The following RIPOR2 variants were observed in gnomAD, a reference collection of about 807,000 sequenced individuals.
The protein encoded by RIPOR2 is rho family-interacting cell polarization regulator 2.
In RIPOR2, 39 loss-of-function variants were observed where a neutral mutation model predicts 114.5. The ratio of observed to expected loss-of-function variants is 0.34; its 90% CI spans 0.26 to 0.44. RIPOR2 has a LOEUF of 0.44. RIPOR2 is among the 20% of genes least tolerant of loss of function. The pLI is 1.00. For missense variants in RIPOR2, 1,007 were observed against 1,255.1 expected, an observed-to-expected ratio of 0.80 and a Z score of 2.99; for synonymous variants, 445 against 484.4, an observed-to-expected ratio of 0.92 and a Z score of 1.07.
At chr6:24,838,752 C>T (rs1761341066) in intron 14 of RIPOR2, among the ~76,000 whole-genome samples, 2 of 152,104 alleles carry the variant, frequency 1.3e-5, no homozygotes. Flanking sequence ...TGAGATCGCA[C>T]CACTGCACTC....
intron 1 of RIPOR2, among the ~76,000 whole-genome samples, chr6:24,972,723 T>C (rs1773840528): frequency 6.6e-6 from 1 of 152,206 alleles, no homozygotes; most frequent in South Asian, 2.1e-4. Context: ...ATGACTGCCT[T>C]GGGAGGTAAT....
In RIPOR2 at chr6:24,830,763, T is replaced by C. The variant is rs9467328; in HGVS notation, c.2345-93A>G. 7,427 of 1,272,960 alleles carry C rather than the reference T, an allele frequency of 5.8e-3. 287 individuals are homozygous for C. The African/African-American group carries it at 0.089, about 15-fold the overall frequency. The allele number at this position is 1,272,960 out of a possible 1,614,324, so 78.9% of individuals were successfully genotyped here. A position where few individuals can be genotyped will look rare whatever the true frequency, so the allele number is the denominator to read the frequency against. On this transcript the variant is annotated intron_variant, in intron 16 of 21. Coordinates refer to ENST00000643898, the MANE Select transcript of RIPOR2 (RefSeq NM_001286445.3). The stretch of plus-strand genomic sequence containing the variant: ...CAGAGTCTTGCTTTGTTACCCAGGC[T>C]GGAGTGCAATGGCATGATCTCAGCT...
chr6:24,836,198 C>T (rs114528761), intron 14 of RIPOR2: 3,918 of 258,788 alleles, frequency 0.015, 57 homozygotes, highest in South Asian at 0.035. Context: ...GCTCTGTTGA[C>T]AGGGTGATCT....
chr6:25,018,189 A>C (rs1776109532), intron 1 of RIPOR2, among the ~76,000 whole-genome samples: 1 of 152,236 alleles, frequency 6.6e-6, no homozygotes, highest in African/African-American at 2.4e-5. Flanking sequence ...TACTACCCAG[A>C]GTGCCTGAAC....
chr6:24,961,410 C>T (rs1437964447), intron 1 of RIPOR2, among the ~76,000 whole-genome samples: 1 of 152,020 alleles, frequency 6.6e-6, no homozygotes, highest in African/African-American at 2.4e-5. Flanking sequence ...TTGTGAAAAG[C>T]CAGGGGTTGA....
chr6:24,836,264 A>C (rs1761099559), intron 14 of RIPOR2, among the ~76,000 whole-genome samples: 1 of 152,200 alleles, frequency 6.6e-6, no homozygotes, highest in South Asian at 2.1e-4. Context: ...CAAAGGCAAT[A>C]CCATTAAGAA....
intron 1 of RIPOR2, among the ~76,000 whole-genome samples, chr6:25,005,738 T>TATATATATATATACATACAC (rs34572978): frequency 2.8e-5 from 2 of 70,700 alleles, no homozygotes; most frequent in South Asian, 5.0e-4. Flanking sequence ...TATATATATA[T>TATATATATATATACATACAC]ATACATTTAC....
At chr6:24,923,917 G>A (rs1429944368) in intron 1 of RIPOR2, among the ~76,000 whole-genome samples, 1 of 152,070 alleles carries the variant, frequency 6.6e-6, no homozygotes, top group Admixed American at 6.6e-5. Flanking sequence ...GCCTCACAGA[G>A]CTCGACATTC....
intron 8 of RIPOR2, among the ~76,000 whole-genome samples, chr6:24,856,524 G>T (rs1054263411): frequency 6.6e-6 from 1 of 152,170 alleles, no homozygotes; most frequent in East Asian, 1.9e-4. Flanking sequence ...GGAGGCCGAG[G>T]TGGGCGGATC....
chr6:24,818,661 G>T, intron 19 of RIPOR2, 36 bp from the exon 20 acceptor site: 1 of 1,420,238 alleles, frequency 7.0e-7, no homozygotes. Context: ...AAGGCATTTT[G>T]GTTTGTTCGT....
chr6:24,865,259 C>A (rs1232435403), intron 7 of RIPOR2, 42 bp downstream of exon 7: 1 of 1,541,446 alleles, frequency 6.5e-7, no homozygotes, highest in East Asian at 2.4e-5. Flanking sequence ...TCACACCAGG[C>A]CAGATGGGAT....
chr6:24,806,099 G>T lies in RIPOR2; in HGVS notation c.*274C>A. 1 of 370,688 alleles carries T rather than the reference G, an allele frequency of 2.7e-6. No individual in the cohort carries two copies. The highest frequency in any genetic ancestry group is 4.8e-6 in the Non-Finnish European group (1 of 206,462). The allele number at this position is 370,688 out of a possible 1,614,324, so 23.0% of individuals were successfully genotyped here. A position where few individuals can be genotyped will look rare whatever the true frequency, so the allele number is the denominator to read the frequency against. On this transcript the variant is annotated 3_prime_UTR_variant, in exon 22 of 22. Transcript: ENST00000643898. ...CAAGTAGCTGGGACTACAGGTGCATGCCACCACGCCTGACTAATTAAACTA... is the reference window on the plus strand; with the variant it reads ...CAAGTAGCTGGGACTACAGGTGCATTCCACCACGCCTGACTAATTAAACTA...
At chr6:25,034,092 T>TTATA (rs3056859) in intron 1 of RIPOR2, among the ~76,000 whole-genome samples, 7,305 of 149,524 alleles carry the variant, frequency 0.049, 236 homozygotes, top group African/African-American at 0.091. Flanking sequence ...CAAAAAGGTT[T>TTATA]TATATATATA....
intron 1 of RIPOR2, among the ~76,000 whole-genome samples, chr6:24,879,826 T>C (rs956459553): frequency 6.6e-6 from 1 of 152,222 alleles, no homozygotes; most frequent in African/African-American, 2.4e-5. Flanking sequence ...TCTTAGCATC[T>C]TATATCTTTA....
chr6:24,928,794 T>C (rs923008337), intron 1 of RIPOR2, among the ~76,000 whole-genome samples: 12 of 152,210 alleles, frequency 7.9e-5, no homozygotes, highest in Admixed American at 6.5e-4. Flanking sequence ...ACAGACGAAA[T>C]AACCCCAGGA....
chr6:24,909,497 C>T (rs756927713), intron 1 of RIPOR2, among the ~76,000 whole-genome samples: 16 of 151,864 alleles, frequency 1.1e-4, no homozygotes, highest in Non-Finnish European at 2.4e-4. Context: ...TGGGAATACC[C>T]GGGTAGGGGA....
chr6:24,895,958 T>A (rs2817720), intron 1 of RIPOR2, among the ~76,000 whole-genome samples: 1 of 152,000 alleles, frequency 6.6e-6, no homozygotes, highest in Non-Finnish European at 1.5e-5. Flanking sequence ...ACCACTGCAC[T>A]CCAGCCTGGG....
At chr6:25,027,227 G>A (rs1776672158) in intron 1 of RIPOR2, among the ~76,000 whole-genome samples, 2 of 152,086 alleles carry the variant, frequency 1.3e-5, no homozygotes, top group African/African-American at 2.4e-5. Flanking sequence ...AACGACAATC[G>A]CGTAGGGGTG....
At chr6:24,942,078 C>G (rs1772161163) in intron 1 of RIPOR2, among the ~76,000 whole-genome samples, 2 of 152,124 alleles carry the variant, frequency 1.3e-5, no homozygotes, top group Non-Finnish European at 2.9e-5. Flanking sequence ...TAAAGAAAGG[C>G]ATGCATTTTG....
Sources: allele counts gnomAD v4.1 joint callset (sites outside exome capture counted in the v4.1 genomes callset), GRCh38; gene constraint gnomAD v4.1.1; transcripts MANE v1.5; gene names NCBI Gene and HGNC (gene_info 2026-07-23, HGNC 2026-07-21).